The following CADPS variants were observed in gnomAD, a reference collection of about 807,000 sequenced individuals.
The protein encoded by CADPS is calcium dependent secretion activator.
In CADPS, 57 loss-of-function variants were observed where a neutral mutation model predicts 167.3. The ratio of observed to expected loss-of-function variants is 0.34; its 90% CI spans 0.28 to 0.42. The LOEUF (loss-of-function observed/expected upper bound fraction) is 0.42. Among genes scored for constraint, CADPS ranks in the 20% least tolerant of loss-of-function variants. CADPS has a pLI of 1.00. For missense variants in CADPS, 1,414 were observed against 1,738.1 expected, an observed-to-expected ratio of 0.81 and a Z score of 3.32; for synonymous variants, 676 against 635.3, an observed-to-expected ratio of 1.06 and a Z score of -0.96.
chr3:62,416,438 G>A (rs993700323), intron 28 of CADPS, among the ~76,000 whole-genome samples: 4 of 152,062 alleles, frequency 2.6e-5, no homozygotes, highest in Admixed American at 2.0e-4. Context: ...TTATTTAAAC[G>A]GTGACATATA....
At chr3:62,489,645 G>T (rs1286209229) in intron 21 of CADPS, among the ~76,000 whole-genome samples, 1 of 152,148 alleles carries the variant, frequency 6.6e-6, no homozygotes, top group Non-Finnish European at 1.5e-5. Context: ...TAAATCTAGG[G>T]CTCTTCAAGG....
At chr3:62,598,930 C>T (rs547424650) in intron 6 of CADPS, among the ~76,000 whole-genome samples, 2 of 152,260 alleles carry the variant, frequency 1.3e-5, no homozygotes, top group South Asian at 4.1e-4. Context: ...GTTCAATATA[C>T]TTCACAGAGC....
chr3:62,575,978 T>C (rs2082185717), intron 8 of CADPS, among the ~76,000 whole-genome samples: 1 of 152,206 alleles, frequency 6.6e-6, no homozygotes, highest in Non-Finnish European at 1.5e-5. Context: ...GTACTGTTTC[T>C]GTCTAGTCAG....
At chr3:62,495,014 C>G (rs888717229) in intron 18 of CADPS, among the ~76,000 whole-genome samples, 1 of 152,048 alleles carries the variant, frequency 6.6e-6, no homozygotes, top group South Asian at 2.1e-4. Flanking sequence ...ATAAGAAGTG[C>G]CACTTCTACG....
intron 1 of CADPS, among the ~76,000 whole-genome samples, chr3:62,785,433 C>A (rs540131392): frequency 3.3e-5 from 5 of 152,196 alleles, no homozygotes; most frequent in African/African-American, 9.7e-5. Flanking sequence ...ACACCTTGAG[C>A]CTTGCTTTGC....
At chr3:62,638,077 T>TTTTATATATA (rs1327401611) in intron 6 of CADPS, among the ~76,000 whole-genome samples, 3 of 36,766 alleles carry the variant, frequency 8.2e-5, no homozygotes, top group Non-Finnish European at 1.6e-4. Context: ...GTTTTAAGCA[T>TTTTATATATA]TATATATATA....
intron 3 of CADPS, among the ~76,000 whole-genome samples, chr3:62,749,386 C>T (rs1412073273): frequency 6.6e-6 from 1 of 152,152 alleles, no homozygotes. Flanking sequence ...GGAACTTTCA[C>T]AAAGCAGCAG....
In CADPS at chr3:62,478,739, T is replaced by C. The variant is rs2150754384; in HGVS notation, c.3174-323A>G. ...ACATTAACACATGTGATGATTCAGATGAAGGCCACGAACCAGGGGGAGAAA... is the reference window on the plus strand; with the variant it reads ...ACATTAACACATGTGATGATTCAGACGAAGGCCACGAACCAGGGGGAGAAA... On this transcript the variant is annotated intron_variant, in intron 22 of 29. Transcript: ENST00000383710. The surrounding 1 kb of genome is among the most constrained non-coding windows in gnomAD (Gnocchi z 5.7). Among the ~76,000 whole-genome samples the C allele has an allele frequency of 6.6e-6, 1 of 152,270 alleles. No homozygotes were observed. Among genetic ancestry groups the C allele is most frequent in the East Asian group, 1.9e-4 (1 of 5,184 alleles).
At chr3:62,769,735 A>G (rs1003264813) in intron 1 of CADPS, among the ~76,000 whole-genome samples, 1 of 152,062 alleles carries the variant, frequency 6.6e-6, no homozygotes, top group Admixed American at 6.5e-5. Context: ...ATTTAAACTC[A>G]AGTGCTCAGG....
Position 62,499,208 on chromosome 3 carries a change from T to C in CADPS, c.2660A>G (p.Glu887Gly). The C allele has an allele frequency of 6.2e-7, 1 of 1,613,960 alleles. No individual in the cohort carries two copies. The highest frequency in any genetic ancestry group is 2.2e-5 in the East Asian group (1 of 44,858). ...KKLEDTIRLA[E>G]LVIEVLQQNE... ...TTGCTGAAGAACTTCAATGACTAGT[T>C]CAGCAAGACGTATTGTATCTTCAAG... The change falls in exon 18 of 30, where the codon GAA becomes GGA. Residue 887 changes from glutamate to glycine, a missense_variant. Glu to Gly is a moderately conservative substitution (Grantham distance 98, BLOSUM62 -2). Coordinates refer to ENST00000383710, the MANE Select transcript of CADPS (RefSeq NM_003716.4).
chr3:62,856,685 T>C (rs2079751127), intron 1 of CADPS, among the ~76,000 whole-genome samples: 1 of 151,866 alleles, frequency 6.6e-6, no homozygotes, highest in Non-Finnish European at 1.5e-5. Context: ...TAAATTCAAA[T>C]ATTAATAATA....
chr3:62,448,551 G>C (rs954176525), intron 26 of CADPS, among the ~76,000 whole-genome samples: 2 of 151,854 alleles, frequency 1.3e-5, no homozygotes, highest in African/African-American at 2.4e-5. Flanking sequence ...AATAACCCAG[G>C]GTAAATTGTG....
chr3:62,688,037 T>C (rs1228545867), intron 3 of CADPS, among the ~76,000 whole-genome samples: 1 of 152,072 alleles, frequency 6.6e-6, no homozygotes, highest in East Asian at 1.9e-4. Flanking sequence ...TCAATCATAT[T>C]ATACTGGTCA....
At chr3:62,809,083 C>T (rs2094263332) in intron 1 of CADPS, among the ~76,000 whole-genome samples, 1 of 152,190 alleles carries the variant, frequency 6.6e-6, no homozygotes, top group South Asian at 2.1e-4. Flanking sequence ...TCAGATCCTA[C>T]TACCTCTGTA....
At chr3:62,831,645 C>T (rs2075112322) in intron 1 of CADPS, among the ~76,000 whole-genome samples, 1 of 152,076 alleles carries the variant, frequency 6.6e-6, no homozygotes, top group Admixed American at 6.6e-5. Flanking sequence ...AATGTAAATT[C>T]CATCAGTATA....
chr3:62,644,994 T>C (rs2068222828), intron 6 of CADPS, among the ~76,000 whole-genome samples: 1 of 152,224 alleles, frequency 6.6e-6, no homozygotes, highest in East Asian at 1.9e-4. Flanking sequence ...TAATACCTTG[T>C]ACACACACAT....
chr3:62,734,244 G>A (rs2078527608), intron 3 of CADPS, among the ~76,000 whole-genome samples: 1 of 152,160 alleles, frequency 6.6e-6, no homozygotes, highest in Non-Finnish European at 1.5e-5. Flanking sequence ...AGCTTTCTGT[G>A]ATGGTGGAAA....
At chr3:62,627,550 T>C (rs1464478288) in intron 6 of CADPS, among the ~76,000 whole-genome samples, 3 of 152,154 alleles carry the variant, frequency 2.0e-5, no homozygotes, top group Admixed American at 6.5e-5. Flanking sequence ...TAGAAATAAC[T>C]ACACAGACTA....
intron 2 of CADPS, among the ~76,000 whole-genome samples, chr3:62,764,766 A>G (rs891004307): frequency 9.2e-5 from 14 of 152,242 alleles, no homozygotes; most frequent in African/African-American, 3.4e-4. Context: ...AGCACCAGCA[A>G]AGCAGGCACA....
Sources: gnomAD v4.1 joint callset for allele counts (sites outside exome capture counted in the v4.1 genomes callset) on GRCh38, gnomAD v4.1.1 for gene constraint, Gnocchi (gnomAD v3.1) non-coding constraint, MANE v1.5 for transcripts, NCBI Gene and HGNC (gene_info 2026-07-23, HGNC 2026-07-21) for gene names.